Variants in VKORC1L1 observed in about 807,000 individuals in gnomAD.
VKORC1L1 encodes vitamin K epoxide reductase complex subunit 1L1.
A neutral mutation model predicts 18.9 loss-of-function variants in VKORC1L1; 2 were observed. The observed-to-expected ratio is 0.11, with a 90% CI of 0.04 to 0.33. The LOEUF is 0.33. Among genes scored for constraint, VKORC1L1 ranks in the 10% least tolerant of loss-of-function variants. VKORC1L1 has a pLI of 1.00. For synonymous variants in VKORC1L1, 96 were observed against 100.0 expected, an observed-to-expected ratio of 0.96 and a Z score of 0.24; for missense variants, 123 against 224.1, an observed-to-expected ratio of 0.55 and a Z score of 2.88.
At position 65,873,716 on chromosome 7, in the gene VKORC1L1, G is replaced by T. The variant is rs1010413988; in HGVS notation, c.194+151G>T. On this transcript the variant is annotated intron_variant, in intron 1 of 2. Coordinates refer to ENST00000360768, the MANE Select transcript of VKORC1L1 (RefSeq NM_173517.6). The stretch of plus-strand genomic sequence containing the variant: ...GGGGTCGGGTCGGGGCCAGGCGGGG[G>T]GCGGCGGCGGGGCGCTCCTGCCCGG... 1.0e-5 allele frequency: 8 copies of T among 764,100 alleles called. No homozygotes were observed. In the African/African-American group the frequency reaches 1.5e-4, roughly 14 times the overall value. 47.3% of individuals were successfully genotyped at this position (764,100 alleles called of 1,614,324 possible). A position where few individuals can be genotyped will look rare whatever the true frequency, so the allele number is the denominator to read the frequency against.
intron 1 of VKORC1L1, among the ~76,000 whole-genome samples, chr7:65,931,424 T>C (rs1789855802): frequency 6.6e-6 from 1 of 152,182 alleles, no homozygotes; most frequent in South Asian, 2.1e-4. Context: ...ATTCTGTATT[T>C]CTTGAGTGAG....
Position 65,959,102 on chromosome 7 carries a change from A to C in VKORC1L1, c.*4802A>C, listed in dbSNP as rs1790351569. On this transcript the variant is annotated 3_prime_UTR_variant, in exon 3 of 3. Coordinates refer to ENST00000360768, the MANE Select transcript of VKORC1L1 (RefSeq NM_173517.6). ...GTGGATCACTTGAGGTCAGGAGTTC[A>C]AGACCAGCCTGGCCAACATGGTGAA... The C allele has an allele frequency of 6.6e-6, 1 of 152,198 alleles. No individual in the cohort carries two copies. Among genetic ancestry groups the C allele is most frequent in the Non-Finnish European group, 1.5e-5 (1 of 68,102 alleles). 9.4% of individuals were successfully genotyped at this position (152,198 alleles called of 1,614,324 possible).
intron 1 of VKORC1L1, among the ~76,000 whole-genome samples, chr7:65,890,718 G>A (rs938269110): frequency 6.6e-6 from 1 of 152,208 alleles, no homozygotes; most frequent in African/African-American, 2.4e-5. Context: ...TACCAACAAT[G>A]TGTGAGAATT....
intron 1 of VKORC1L1, among the ~76,000 whole-genome samples, chr7:65,878,758 T>G (rs1788873668): frequency 6.6e-6 from 1 of 151,418 alleles, no homozygotes; most frequent in African/African-American, 2.4e-5. Context: ...CAAAAAAAAT[T>G]AGCCAGACAT....
At chr7:65,870,407 G>T (rs543508071), upstream of VKORC1L1, among the ~76,000 whole-genome samples, 7 of 152,140 alleles carry the variant, frequency 4.6e-5, 1 homozygote, top group South Asian at 1.5e-3. Context: ...TCCAGCCTGG[G>T]CAACAAGAGC....
At chr7:65,921,608 G>T (rs1203473988) in intron 1 of VKORC1L1, among the ~76,000 whole-genome samples, 1 of 152,152 alleles carries the variant, frequency 6.6e-6, no homozygotes, top group Admixed American at 6.5e-5. Context: ...CAACACTTTG[G>T]GAGGCCAAGA....
intron 1 of VKORC1L1, among the ~76,000 whole-genome samples, chr7:65,887,653 G>A (rs1789038126): frequency 6.6e-6 from 1 of 152,256 alleles, no homozygotes; most frequent in African/African-American, 2.4e-5. Context: ...CATAGGTGTT[G>A]CCCAAATACT....
chr7:65,905,110 G>A (rs1015308617), intron 1 of VKORC1L1, among the ~76,000 whole-genome samples: 7 of 152,002 alleles, frequency 4.6e-5, no homozygotes, highest in Admixed American at 4.6e-4. Context: ...CATAAATAAT[G>A]TGCAGTTTTT....
Position 65,956,404 on chromosome 7 carries a change from ATAGT to A in VKORC1L1, c.*2107_*2110del, listed in dbSNP as rs1790296165. On this transcript the variant is annotated 3_prime_UTR_variant, in exon 3 of 3. Coordinates refer to ENST00000360768, the MANE Select transcript of VKORC1L1 (RefSeq NM_173517.6). The stretch of plus-strand genomic sequence containing the variant: ...CCTATTTTGTATCAATCAACAGAGT[ATAGT>A]TAAAGCTTGTCTTGATGTTGCATTC... 6.6e-6 allele frequency: 1 copy of A among 152,246 alleles called. No homozygotes were observed. The highest frequency in any genetic ancestry group is 6.5e-5 in the Admixed American group (1 of 15,280). The allele number at this position is 152,246 out of a possible 1,614,324, so 9.4% of individuals were successfully genotyped here.
At chr7:65,931,669 T>C (rs753027188) in intron 1 of VKORC1L1, among the ~76,000 whole-genome samples, 5 of 152,196 alleles carry the variant, frequency 3.3e-5, no homozygotes, top group Non-Finnish European at 7.3e-5. Flanking sequence ...TGAGATGCAG[T>C]CTCGCTCTGT....
chr7:65,951,550 G>A (rs910204347), intron 2 of VKORC1L1, among the ~76,000 whole-genome samples: 3 of 151,188 alleles, frequency 2.0e-5, no homozygotes, highest in Non-Finnish European at 2.9e-5. Flanking sequence ...CTCCAGCCTC[G>A]GTGACAGAGC....
chr7:65,900,313 C>A (rs1177464229), intron 1 of VKORC1L1, among the ~76,000 whole-genome samples: 1 of 151,162 alleles, frequency 6.6e-6, no homozygotes, highest in Non-Finnish European at 1.5e-5. Flanking sequence ...TGGCATGAAC[C>A]CGGGAGGGGA....
chr7:65,882,072 C>CT (rs1345254917), intron 1 of VKORC1L1, among the ~76,000 whole-genome samples: 2 of 149,474 alleles, frequency 1.3e-5, no homozygotes, highest in African/African-American at 4.9e-5. Flanking sequence ...AGAGCAAACT[C>CT]TGTCTCAAGA....
At chr7:65,877,169 C>G (rs1788843462) in intron 1 of VKORC1L1, among the ~76,000 whole-genome samples, 1 of 151,996 alleles carries the variant, frequency 6.6e-6, no homozygotes, top group African/African-American at 2.4e-5. Context: ...TGGAGATGTT[C>G]TTTTTTTTCC....
At chr7:65,938,295 A>G (rs550565915) in intron 1 of VKORC1L1, among the ~76,000 whole-genome samples, 2 of 152,388 alleles carry the variant, frequency 1.3e-5, no homozygotes, top group African/African-American at 4.8e-5. Flanking sequence ...CATAAAATTA[A>G]ACATATGTTA....
intron 1 of VKORC1L1, among the ~76,000 whole-genome samples, chr7:65,878,339 C>T (rs565662877): frequency 2.6e-5 from 4 of 151,788 alleles, no homozygotes; most frequent in African/African-American, 7.2e-5. Flanking sequence ...TCCAGCTACT[C>T]GGGAGGCTGA....
intron 1 of VKORC1L1, among the ~76,000 whole-genome samples, chr7:65,877,064 A>G (rs1475481909): frequency 1.3e-5 from 2 of 152,148 alleles, no homozygotes; most frequent in South Asian, 4.1e-4. Context: ...GAAAAACAAA[A>G]AAACCTACTT....
rs994112476 is a variant in VKORC1L1, at chr7:65,933,433, A to C, written c.195-15238A>C. 1.3e-4 allele frequency among the ~76,000 whole-genome samples: 20 copies of C among 152,274 alleles called. No individual in the cohort carries two copies. In the East Asian group the frequency reaches 3.7e-3, roughly 28 times the overall value. On this transcript the variant is annotated intron_variant, in intron 1 of 2. Transcript: ENST00000360768. Reference sequence around the variant, plus strand: ...CTGGAGACTACATTTTCTGGTATTAATACAAGCACGGTACCTTTTGTTTTT... The same window carrying C: ...CTGGAGACTACATTTTCTGGTATTACTACAAGCACGGTACCTTTTGTTTTT...
At chr7:65,950,324 G>A (rs545624454) in intron 2 of VKORC1L1, among the ~76,000 whole-genome samples, 1 of 152,152 alleles carries the variant, frequency 6.6e-6, no homozygotes, top group South Asian at 2.1e-4. Flanking sequence ...TATACTTTTA[G>A]AGTTAAATCC....
Sources: allele counts gnomAD v4.1 joint callset (sites outside exome capture counted in the v4.1 genomes callset), GRCh38; gene constraint gnomAD v4.1.1; transcripts MANE v1.5; gene names NCBI Gene and HGNC (gene_info 2026-07-23, HGNC 2026-07-21).